DPP10: variants seen among roughly 807,000 people sequenced by gnomAD.
DPP10 encodes the protein dipeptidyl peptidase like 10, also known as inactive dipeptidyl peptidase 10.
Under a neutral mutation model 120.9 loss-of-function variants are expected in DPP10, and 33 were observed. That is an observed-to-expected ratio of 0.27 (90% CI 0.21 to 0.37). DPP10 has a LOEUF of 0.37. DPP10 is among the 10% of genes least tolerant of loss of function. The pLI is 1.00. For missense variants in DPP10, 816 were observed against 942.8 expected, an observed-to-expected ratio of 0.87 and a Z score of 1.76; for synonymous variants, 337 against 326.1, an observed-to-expected ratio of 1.03 and a Z score of -0.36.
chr2:114,886,717 C>T (rs1033056721), intron 1 of DPP10, among the ~76,000 whole-genome samples: 1 of 152,124 alleles, frequency 6.6e-6, no homozygotes, highest in African/African-American at 2.4e-5. Flanking sequence ...TGTGTATAAA[C>T]TCTCCTCCCT....
At chr2:114,537,178 G>A (rs1686570431) in intron 1 of DPP10, among the ~76,000 whole-genome samples, 1 of 152,102 alleles carries the variant, frequency 6.6e-6, no homozygotes, top group Non-Finnish European at 1.5e-5. Context: ...CAATTCTTTT[G>A]CTTTTATTTC....
chr2:114,937,236 G>C (rs1388268979), intron 1 of DPP10, among the ~76,000 whole-genome samples: 2 of 152,084 alleles, frequency 1.3e-5, no homozygotes, highest in Non-Finnish European at 2.9e-5. Context: ...TTAGATTTAG[G>C]TCTAATCCAA....
intron 1 of DPP10, among the ~76,000 whole-genome samples, chr2:114,913,294 G>T (rs150709662): frequency 6.6e-6 from 1 of 152,090 alleles, no homozygotes; most frequent in African/African-American, 2.4e-5. Context: ...ATGCACATGG[G>T]TCCTGCCATC....
chr2:115,210,263 ATGTGGTGTTTGGTTT>A (rs2056419815), intron 1 of DPP10, among the ~76,000 whole-genome samples: 1 of 152,086 alleles, frequency 6.6e-6, no homozygotes. Flanking sequence ...GAGTGAGAAC[ATGTGGTGTTTGGTTT>A]TCTGTCCTTG....
chr2:114,625,475 A>T (rs1258297692), intron 1 of DPP10, among the ~76,000 whole-genome samples: 1 of 152,004 alleles, frequency 6.6e-6, no homozygotes, highest in South Asian at 2.1e-4. Context: ...ACAAAAAAGC[A>T]ATATTTTAAT....
In DPP10 at chr2:115,791,314, A is replaced by G. The variant is rs1408600294; in HGVS notation, c.1658A>G (p.Lys553Arg). ...CTTCCTTTACAGTTGTCCCTTCCCA[A>G]AGATTTTATGGACCGAAACCAGTAT... ...YELPLQLSLP[K>R]DFMDRNQYAL... Residue 553 changes from lysine to arginine, a missense_variant, in exon 19 of 26, where the codon AAA (lysine) becomes AGA (arginine). Physicochemically the swap from Lys to Arg is conservative, Grantham distance 26 (BLOSUM62 2). This residue lies in a region of DPP10 where 592 missense variants were observed against 649.0 expected (regional missense o/e 0.91). Transcript: ENST00000410059. 3.7e-6 allele frequency: 6 copies of G among 1,611,770 alleles called. No individual in the cohort carries two copies. In the African/African-American group the frequency reaches 4.0e-5, roughly 11 times the overall value.
intron 1 of DPP10, among the ~76,000 whole-genome samples, chr2:115,204,417 A>G (rs1476091849): frequency 6.6e-6 from 1 of 152,120 alleles, no homozygotes. Flanking sequence ...TAGATACTAC[A>G]TGGATTATAT....
At chr2:115,592,840 G>T (rs899928461) in intron 5 of DPP10, among the ~76,000 whole-genome samples, 2 of 152,080 alleles carry the variant, frequency 1.3e-5, no homozygotes, top group Admixed American at 1.3e-4. Flanking sequence ...TCTCTACAGA[G>T]GCAAAATTTT....
At chr2:114,467,662 T>C (rs536406624) in intron 1 of DPP10, among the ~76,000 whole-genome samples, 1 of 152,342 alleles carries the variant, frequency 6.6e-6, no homozygotes, top group Non-Finnish European at 1.5e-5. Flanking sequence ...AACTTGATTT[T>C]AATTCTGAAT....
intron 1 of DPP10, among the ~76,000 whole-genome samples, chr2:114,446,142 A>G (rs1391666587): frequency 1.3e-5 from 2 of 152,200 alleles, no homozygotes; most frequent in Non-Finnish European, 2.9e-5. Flanking sequence ...GTCCCCCACC[A>G]TGGGTAGCAA....
At chr2:115,721,029 T>C (rs1380099600) in intron 7 of DPP10, among the ~76,000 whole-genome samples, 6 of 152,198 alleles carry the variant, frequency 3.9e-5, no homozygotes, top group Non-Finnish European at 8.8e-5. Flanking sequence ...ATGCAACCAG[T>C]GCTAAAAAGA....
At position 114,942,296 on chromosome 2, in the gene DPP10, T is replaced by TAC. The variant is rs1558903684; in HGVS notation, c.61-366941_61-366940dup. Among the ~76,000 whole-genome samples the TAC allele has an allele frequency of 1.5e-3, 196 of 127,020 alleles. 4 individuals carry two copies. The highest frequency in any genetic ancestry group is 6.1e-3 in the African/African-American group (193 of 31,824). The allele number at this position is 127,020 out of a possible 152,430, so 83.3% of individuals were successfully genotyped here. The stretch of plus-strand genomic sequence containing the variant: ...TCAAAAAAAAAAATGTGTATATATA[T>TAC]ACATATATATATATATATATATATA... On this transcript the variant is annotated intron_variant, in intron 1 of 25. Coordinates refer to ENST00000410059, the MANE Select transcript of DPP10 (RefSeq NM_020868.6).
chr2:115,201,364 G>A (rs2055703883), intron 1 of DPP10, among the ~76,000 whole-genome samples: 1 of 152,174 alleles, frequency 6.6e-6, no homozygotes, highest in Non-Finnish European at 1.5e-5. Context: ...CTGAGAGGCT[G>A]AAGCAGGAGA....
intron 15 of DPP10, among the ~76,000 whole-genome samples, chr2:115,778,810 A>G (rs1682421932): frequency 6.6e-6 from 1 of 152,078 alleles, no homozygotes; most frequent in Admixed American, 6.6e-5. Flanking sequence ...GCCTTTCTTA[A>G]TACATCATTA....
At chr2:115,840,468 G>A (rs528534003) in intron 24 of DPP10, among the ~76,000 whole-genome samples, 1 of 151,340 alleles carries the variant, frequency 6.6e-6, no homozygotes, top group African/African-American at 2.4e-5. Context: ...GGGACTACAG[G>A]TGCCCGCCAC....
intron 1 of DPP10, among the ~76,000 whole-genome samples, chr2:114,798,710 T>C (rs1683925881): frequency 6.6e-6 from 1 of 152,208 alleles, no homozygotes; most frequent in Non-Finnish European, 1.5e-5. Context: ...CATGCCCTGT[T>C]TCTTGCTCTG....
intron 7 of DPP10, among the ~76,000 whole-genome samples, chr2:115,715,358 A>G (rs1384672808): frequency 6.7e-6 from 1 of 150,134 alleles, no homozygotes; most frequent in East Asian, 1.9e-4. Context: ...AAAAAAAAAA[A>G]AAAAAGAAAG....
intron 1 of DPP10, among the ~76,000 whole-genome samples, chr2:115,217,822 G>A (rs1159504085): frequency 6.6e-6 from 1 of 151,920 alleles, no homozygotes; most frequent in African/African-American, 2.4e-5. Context: ...GATTACTTCT[G>A]TCTAGAATTG....
chr2:115,791,203 T>A, intron 18 of DPP10, 24 bp downstream of exon 18: 2 of 1,608,156 alleles, frequency 1.2e-6, no homozygotes, highest in Non-Finnish European at 8.5e-7. Context: ...CATGCTATGT[T>A]ATTCAAGAAC....
Sources: gnomAD v4.1 joint callset for allele counts (sites outside exome capture counted in the v4.1 genomes callset) on GRCh38, gnomAD v4.1.1 for gene constraint, gnomAD v4.1.1 regional missense constraint, MANE v1.5 for transcripts, NCBI Gene and HGNC (gene_info 2026-07-23, HGNC 2026-07-21) for gene names.